The following SLC36A2 variants were observed in gnomAD, a reference collection of about 807,000 sequenced individuals.
The protein encoded by SLC36A2 is solute carrier family 36 member 2.
Under a neutral mutation model 42.7 loss-of-function variants are expected in SLC36A2, and 39 were observed. The ratio of observed to expected loss-of-function variants is 0.91; its 90% CI spans 0.71 to 1.19. The LOEUF (loss-of-function observed/expected upper bound fraction) is 1.19. Among genes scored for constraint, SLC36A2 ranks in the 50% most tolerant of loss-of-function variants. The pLI, the probability that SLC36A2 is intolerant of heterozygous loss-of-function variation, is 0.00. For missense variants in SLC36A2, 590 were observed against 613.7 expected (o/e 0.96, Z 0.41); for synonymous variants, 237 against 240.8 (o/e 0.98, Z 0.15).
At chr5:151,321,681 CTTT>C (rs56323943) in intron 9 of SLC36A2, among the ~76,000 whole-genome samples, 10 of 135,018 alleles carry the variant, frequency 7.4e-5, no homozygotes, top group Non-Finnish European at 6.4e-5. Context: ...CTGACTGATT[CTTT>C]TTTTTTTTTT....
chr5:151,319,549 G>T (rs1229161467), intron 9 of SLC36A2: 3 of 154,036 alleles, frequency 1.9e-5, no homozygotes, highest in South Asian at 3.8e-4. Context: ...TTCAACTGCT[G>T]AACTGAAACT....
intron 4 of SLC36A2, 147 bp from the exon 5 acceptor site, chr5:151,339,291 G>A: frequency 1.7e-6 from 1 of 595,690 alleles, no homozygotes; most frequent in Non-Finnish European, 3.1e-6. Flanking sequence ...TCAACAATGG[G>A]GCAAAGAAGT....
chr5:151,335,535 C>T lies in SLC36A2; in HGVS notation c.538G>A (p.Val180Ile), dbSNP rs751339258. ...ADNLKQVVEA[V>I]NSTTNNCYSN... ...TAGCAGTTGTTGGTTGTGCTATTAA[C>T]AGCTTCCACTACCTGAGGAAGGAAT... Residue 180 changes from valine to isoleucine, a missense_variant, in exon 6 of 10, where the codon GTT becomes ATT. Physicochemically the swap from Val to Ile is conservative, Grantham distance 29. Transcript: ENST00000335244. 99 of 1,613,442 alleles carry T rather than the reference C, an allele frequency of 6.1e-5. No homozygotes were observed. The South Asian group carries it at 9.9e-4, about 16-fold the overall frequency.
chr5:151,322,601 T>C (rs1755726082), intron 8 of SLC36A2, among the ~76,000 whole-genome samples: 2 of 152,244 alleles, frequency 1.3e-5, no homozygotes. Context: ...CCAAAAGCCC[T>C]GGATCTAAAA....
chr5:151,323,159 C>T (rs146658523), intron 8 of SLC36A2, among the ~76,000 whole-genome samples: 8,810 of 151,992 alleles, frequency 0.058, 835 homozygotes, highest in African/African-American at 0.2. Flanking sequence ...TACTTGAACC[C>T]GGGAGGTAGA....
chr5:151,325,579 A>G (rs561207166), intron 7 of SLC36A2, 127 bp from the exon 8 acceptor site: 1 of 974,872 alleles, frequency 1.0e-6, no homozygotes, highest in South Asian at 1.4e-5. Flanking sequence ...TTGTACACTT[A>G]TGTTCACAGT....
Position 151,322,107 on chromosome 5 carries a change from C to T in SLC36A2, c.1119G>A (p.Val373=), listed in dbSNP as rs1273398952. The change falls in exon 9 of 10, where the codon GTG becomes GTA. Residue 373 remains valine (V), a synonymous_variant. Transcript: ENST00000335244. The stretch of plus-strand genomic sequence containing the variant: ...CCAGAGGCAGTGCCCAGCGTGTTGA[C>T]ACCCGGGAGATGGCAAAGGGGATGA... The part of the protein sequence containing the change: ...EIIIPFAISR[V]STRWALPLDL... 1 of 1,614,076 alleles carries T rather than the reference C, an allele frequency of 6.2e-7. No individual in the cohort carries two copies. The highest frequency in any genetic ancestry group is 1.3e-5 in the African/African-American group (1 of 74,920).
intron 4 of SLC36A2, 43 bp from the exon 5 acceptor site, chr5:151,339,187 T>C: frequency 6.8e-7 from 1 of 1,475,188 alleles, no homozygotes; most frequent in Non-Finnish European, 9.4e-7. Context: ...TGTTATAAAA[T>C]AAGTCAACTT....
chr5:151,339,214 G>T (rs1171108971), intron 4 of SLC36A2, 70 bp from the exon 5 acceptor site: 3 of 1,217,732 alleles, frequency 2.5e-6, no homozygotes, highest in Middle Eastern at 2.0e-4. Flanking sequence ...TCCATTTCTT[G>T]CCATTCTGCC....
chr5:151,343,371 C>T (rs1756401723), intron 3 of SLC36A2, 139 bp downstream of exon 3: 6 of 872,618 alleles, frequency 6.9e-6, no homozygotes, highest in South Asian at 5.7e-5. Flanking sequence ...GAGCTCCCTG[C>T]CCCTGAATGC....
At chr5:151,318,480 T>A (rs1304355916) in intron 9 of SLC36A2, among the ~76,000 whole-genome samples, 7 of 141,414 alleles carry the variant, frequency 4.9e-5, no homozygotes, top group East Asian at 2.0e-4. Flanking sequence ...TAAAATATAT[T>A]TTATATATTT....
At chr5:151,325,823 A>G (rs1755837817) in intron 7 of SLC36A2, among the ~76,000 whole-genome samples, 1 of 152,186 alleles carries the variant, frequency 6.6e-6, no homozygotes, top group African/African-American at 2.4e-5. Flanking sequence ...AGGTACCTGG[A>G]GTAGGTAGGT....
intron 7 of SLC36A2, among the ~76,000 whole-genome samples, chr5:151,329,192 C>T (rs1755927996): frequency 6.6e-6 from 1 of 152,150 alleles, no homozygotes; most frequent in Non-Finnish European, 1.5e-5. Context: ...GTCCTGTCTG[C>T]CAATTGGCAC....
chr5:151,340,145 AGGAGAAGGAGGAGGAAGAAGAGGAAGG>A (rs1287276283), intron 4 of SLC36A2, among the ~76,000 whole-genome samples: 11 of 136,890 alleles, frequency 8.0e-5, no homozygotes, highest in Non-Finnish European at 1.2e-4. Flanking sequence ...GAAGAAGAGG[AGGAGAAGGAGGAGGAAGAAGAGGAAGG>A]AGGAGGAGGA....
At chr5:151,318,525 T>TAAATAATA (rs796464175) in intron 9 of SLC36A2, among the ~76,000 whole-genome samples, 11,884 of 141,194 alleles carry the variant, frequency 0.084, 762 homozygotes, top group African/African-American at 0.18. Context: ...AATAAAAATA[T>TAAATAATA]AATAATTATT....
intron 6 of SLC36A2, among the ~76,000 whole-genome samples, chr5:151,334,994 A>C (rs545865590): frequency 2.0e-5 from 3 of 152,252 alleles, no homozygotes; most frequent in Admixed American, 2.0e-4. Context: ...GTAGTACAAG[A>C]ATCTGTTTTC....
chr5:151,335,130 AAG>A (rs1756113973), intron 6 of SLC36A2, among the ~76,000 whole-genome samples, 197 bp downstream of exon 6: 1 of 152,172 alleles, frequency 6.6e-6, no homozygotes, highest in South Asian at 2.1e-4. Flanking sequence ...TATTTGGAGA[AAG>A]AACATGAACA....
rs1350525580 is a variant in SLC36A2 at position 151,344,179 on chromosome 5, G to A, written c.253C>T (p.Leu85=). The A allele has an allele frequency of 1.2e-6, 2 of 1,613,882 alleles. No homozygotes were observed. Among genetic ancestry groups the A allele is most frequent in the Non-Finnish European group, 1.7e-6 (2 of 1,179,914 alleles). The change falls in exon 2 of 10, where the codon CTG becomes TTG. Residue 85 remains leucine (L), a splice_region_variant and synonymous_variant. Coordinates refer to ENST00000335244, the MANE Select transcript of SLC36A2 (RefSeq NM_181776.3). ...LPLAVKNAGI[L]MGPLSLLVMG... ...CCCACATGTGGCGCCTCTCTTACCA[G>A]GATGCCCGCGTTCTTCACAGCGAGG...
In SLC36A2 at chr5:151,342,795, AC is replaced by A; in HGVS notation, c.440+92del. 8.9e-6 allele frequency: 10 copies of A among 1,122,122 alleles called. No individual in the cohort carries two copies. The South Asian group carries it at 1.3e-4, about 14-fold the overall frequency. 69.5% of individuals were successfully genotyped at this position (1,122,122 alleles called of 1,614,324 possible). On this transcript the variant is annotated intron_variant, in intron 4 of 9. Transcript: ENST00000335244. ...ACAACATCTAACATAGAAGTGCCAA[AC>A]AAACCACCTTTCCAGGGAAGAAGTC... is the stretch of plus-strand genomic sequence containing the variant.
Sources: gnomAD v4.1 joint callset for allele counts (sites outside exome capture counted in the v4.1 genomes callset) on GRCh38, gnomAD v4.1.1 for gene constraint, MANE v1.5 for transcripts, NCBI Gene and HGNC (gene_info 2026-07-23, HGNC 2026-07-21) for gene names.